FTO: variants seen among roughly 807,000 people sequenced by gnomAD.
FTO encodes FTO alpha-ketoglutarate dependent dioxygenase, also known as alpha-ketoglutarate-dependent dioxygenase FTO.
In FTO, 47 loss-of-function variants were observed where a neutral mutation model predicts 63.9. The ratio of observed to expected loss-of-function variants is 0.74; its 90% CI spans 0.58 to 0.94. The LOEUF (loss-of-function observed/expected upper bound fraction) is 0.94, where lower values mean the gene tolerates loss of function less well. Among genes scored for constraint, FTO ranks in the 40% least tolerant of loss-of-function variants. The pLI, the probability that FTO is intolerant of heterozygous loss-of-function variation, is 0.00. For missense variants in FTO, 562 were observed against 618.1 expected (o/e 0.91, Z 0.96); for synonymous variants, 207 against 224.4 (o/e 0.92, Z 0.69).
At position 53,984,323 on chromosome 16, in the gene FTO, T is replaced by C. The variant is rs953144454; in HGVS notation, c.1364+50214T>C. Among the ~76,000 whole-genome samples, 29 of 115,188 alleles carry C rather than the reference T, an allele frequency of 2.5e-4. 1 individual carries two copies. Among genetic ancestry groups the C allele is most frequent in the South Asian group, 1.9e-3 (6 of 3,174 alleles). 75.6% of individuals were successfully genotyped at this position (115,188 alleles called of 152,430 possible). ...TCTATCCCTCCCTTGGAATGGGTCT[T>C]TTTTTTTTTTTTTTTTTTTTTTTTT... On this transcript the variant is annotated intron_variant, in intron 8 of 8. Transcript: ENST00000471389.
chr16:53,726,093 G>A (rs927716347), intron 1 of FTO, among the ~76,000 whole-genome samples: 3 of 152,124 alleles, frequency 2.0e-5, no homozygotes, highest in Admixed American at 6.6e-5. Context: ...AAAGCAATAA[G>A]AGCCCGAACT....
intron 8 of FTO, among the ~76,000 whole-genome samples, chr16:54,107,823 G>A (rs541874608): frequency 5.9e-5 from 9 of 152,324 alleles, no homozygotes; most frequent in African/African-American, 2.2e-4. Context: ...AAATGTTGAT[G>A]GCAGTTCCAC....
chr16:53,890,869 A>G (rs1164295085), intron 7 of FTO, among the ~76,000 whole-genome samples: 2 of 152,222 alleles, frequency 1.3e-5, no homozygotes, highest in Admixed American at 1.3e-4. Flanking sequence ...GTCCATTTAC[A>G]TATGAGTTAG....
At chr16:53,859,619 C>G (rs117107428) in intron 4 of FTO, among the ~76,000 whole-genome samples, 1 of 151,198 alleles carries the variant, frequency 6.6e-6, no homozygotes, top group Non-Finnish European at 1.5e-5. Context: ...GACCTAAAAA[C>G]GAGCAAAGGA....
intron 1 of FTO, among the ~76,000 whole-genome samples, chr16:53,770,536 A>G (rs899280774): frequency 3.3e-5 from 5 of 152,180 alleles, no homozygotes; most frequent in African/African-American, 1.2e-4. Flanking sequence ...CAGAGGTCTT[A>G]ACATTCCTAT....
intron 1 of FTO, among the ~76,000 whole-genome samples, chr16:53,726,255 A>G (rs966160908): frequency 6.6e-6 from 1 of 152,202 alleles, no homozygotes; most frequent in African/African-American, 2.4e-5. Context: ...AAAATTCTAT[A>G]TACACACACT....
intron 3 of FTO, among the ~76,000 whole-genome samples, chr16:53,827,274 TTAGAA>T (rs1225388926): frequency 1.3e-5 from 2 of 152,238 alleles, no homozygotes; most frequent in African/African-American, 4.8e-5. Flanking sequence ...TCATTTTTCC[TTAGAA>T]TAGAATTACA....
intron 1 of FTO, among the ~76,000 whole-genome samples, chr16:53,790,542 C>T (rs2077883743): frequency 6.8e-6 from 1 of 147,280 alleles, no homozygotes; most frequent in Non-Finnish European, 1.5e-5. Flanking sequence ...CAGAGTAAGA[C>T]CCCCATCTCT....
At chr16:53,930,424 C>T (rs1368924380) in intron 7 of FTO, among the ~76,000 whole-genome samples, 1 of 151,562 alleles carries the variant, frequency 6.6e-6, no homozygotes, top group Non-Finnish European at 1.5e-5. Context: ...GGGGTTTCAC[C>T]GTGTTAGCCA....
intron 8 of FTO, among the ~76,000 whole-genome samples, chr16:54,083,788 G>C (rs1470345599): frequency 6.6e-6 from 1 of 152,124 alleles, no homozygotes; most frequent in Non-Finnish European, 1.5e-5. Flanking sequence ...AAGTTTGCGG[G>C]GGCTGGCATT....
At chr16:54,042,567 C>A (rs2085109776) in intron 8 of FTO, among the ~76,000 whole-genome samples, 1 of 67,176 alleles carries the variant, frequency 1.5e-5, no homozygotes, top group Non-Finnish European at 2.4e-5. Context: ...CTTAGGTAAA[C>A]AAAGCAGCCA....
At chr16:53,824,170 T>C (rs565064163) in intron 2 of FTO, among the ~76,000 whole-genome samples, 10 of 152,382 alleles carry the variant, frequency 6.6e-5, no homozygotes, top group African/African-American at 2.2e-4. Context: ...CCAGTGCATC[T>C]AGAGTTAGCT....
At chr16:53,856,089 A>G (rs953178956) in intron 4 of FTO, among the ~76,000 whole-genome samples, 3 of 121,308 alleles carry the variant, frequency 2.5e-5, no homozygotes, top group Non-Finnish European at 4.7e-5. Flanking sequence ...CATGAGCTAT[A>G]GAAAATTTTT....
chr16:53,804,092 T>A (rs1388023171), intron 1 of FTO, among the ~76,000 whole-genome samples: 1 of 152,220 alleles, frequency 6.6e-6, no homozygotes, highest in Admixed American at 6.5e-5. Flanking sequence ...TTCTTAGAGC[T>A]TTATGTATTA....
intron 1 of FTO, among the ~76,000 whole-genome samples, chr16:53,801,722 C>T (rs1256524545): frequency 6.8e-6 from 1 of 146,664 alleles, no homozygotes; most frequent in Non-Finnish European, 1.5e-5. Flanking sequence ...TTCCGGCAAC[C>T]ATTTTTTTTT....
intron 8 of FTO, among the ~76,000 whole-genome samples, chr16:54,016,151 T>C (rs2084441250): frequency 6.6e-6 from 1 of 152,174 alleles, no homozygotes; most frequent in South Asian, 2.1e-4. Flanking sequence ...ACTTCCCAAA[T>C]GTTAGCAGAA....
At chr16:53,956,043 T>C (rs954245656) in intron 8 of FTO, among the ~76,000 whole-genome samples, 6 of 152,138 alleles carry the variant, frequency 3.9e-5, no homozygotes, top group African/African-American at 1.4e-4. Context: ...GTGTTGATGG[T>C]TTGTGTGTAT....
intron 8 of FTO, among the ~76,000 whole-genome samples, chr16:54,077,364 C>T (rs2086024676): frequency 6.6e-6 from 1 of 152,016 alleles, no homozygotes; most frequent in Non-Finnish European, 1.5e-5. Flanking sequence ...AGAATTAAGC[C>T]CCAGACCAAG....
chr16:53,751,495 T>G (rs938317348), intron 1 of FTO, among the ~76,000 whole-genome samples: 2 of 152,006 alleles, frequency 1.3e-5, no homozygotes, highest in African/African-American at 4.8e-5. Flanking sequence ...TATTGGCACA[T>G]GCTACACCAT....
Sources: allele counts gnomAD v4.1 joint callset (sites outside exome capture counted in the v4.1 genomes callset), GRCh38; gene constraint gnomAD v4.1.1; transcripts MANE v1.5; gene names NCBI Gene and HGNC (gene_info 2026-07-23, HGNC 2026-07-21).